Variants in MMP3 observed in about 807,000 individuals in gnomAD.
The protein encoded by MMP3 is stromelysin-1.
Under a neutral mutation model 47.3 loss-of-function variants are expected in MMP3, and 46 were observed. The ratio of observed to expected loss-of-function variants is 0.97; its 90% CI spans 0.77 to 1.24. The LOEUF (loss-of-function observed/expected upper bound fraction) is 1.24. Among genes scored for constraint, MMP3 ranks in the 50% most tolerant of loss-of-function variants. MMP3 has a pLI of 0.00. For missense variants in MMP3, 558 were observed against 565.5 expected (o/e 0.99, Z 0.13); for synonymous variants, 216 against 206.5 (o/e 1.05, Z -0.39).
chr11:102,841,241 A>G (rs1265110744), intron 4 of MMP3, among the ~76,000 whole-genome samples: 1 of 152,198 alleles, frequency 6.6e-6, no homozygotes, highest in Non-Finnish European at 1.5e-5. Flanking sequence ...AAAAACACCC[A>G]TAATGCTAAA....
rs888586669 is a variant in MMP3, at chr11:102,836,272, A to G, written c.1334-46T>C. ...AATAGTAAGATATTTTTCCAAATAA[A>G]GACATTTGACAATATACAAAACTCA... is the stretch of plus-strand genomic sequence containing the variant. On this transcript the variant is annotated intron_variant, in intron 9 of 9. Coordinates refer to ENST00000299855, the MANE Select transcript of MMP3 (RefSeq NM_002422.5). The surrounding 1 kb of genome is among the most constrained non-coding windows in gnomAD (Gnocchi z 4.6). The G allele has an allele frequency of 3.4e-6, 5 of 1,455,500 alleles. 1 individual carries two copies. The African/African-American group carries it at 7.0e-5, about 20-fold the overall frequency. 90.2% of individuals were successfully genotyped at this position (1,455,500 alleles called of 1,614,324 possible). A position where few individuals can be genotyped will look rare whatever the true frequency, so the allele number is the denominator to read the frequency against.
chr11:102,839,388 T>G, intron 6 of MMP3, 145 bp from the exon 7 acceptor site: 1 of 939,016 alleles, frequency 1.1e-6, no homozygotes, highest in Non-Finnish European at 1.6e-6. Context: ...ATATTGCCAT[T>G]AGAAAATTTC....
In MMP3 at chr11:102,837,280, C is replaced by T. The variant is rs138785291; in HGVS notation, c.1333+18G>A. 5.1e-5 allele frequency: 81 copies of T among 1,575,832 alleles called. No individual in the cohort carries two copies. Among genetic ancestry groups the T allele is most frequent in the Non-Finnish European group, 7.0e-5 (80 of 1,146,128 alleles). On this transcript the variant is annotated intron_variant, in intron 9 of 9. Coordinates refer to ENST00000299855, the MANE Select transcript of MMP3 (RefSeq NM_002422.5). The surrounding 1 kb of genome is among the most constrained non-coding windows in gnomAD (Gnocchi z 4.4). ...TGTTTCAAGTGCTCTATGGCCAACA[C>T]AGTAAGTATCCTCTTACCAAATTCT...
chr11:102,838,894 A>G (rs903436329), intron 7 of MMP3, among the ~76,000 whole-genome samples, 184 bp from the exon 8 acceptor site: 2 of 152,328 alleles, frequency 1.3e-5, no homozygotes, highest in African/African-American at 4.8e-5. Context: ...ACTAAGGTCA[A>G]ATGAGAGAAT....
intron 5 of MMP3, 23 bp from the exon 6 acceptor site, chr11:102,840,275 T>C (rs1342220964): frequency 6.8e-6 from 11 of 1,609,468 alleles, no homozygotes; most frequent in Non-Finnish European, 8.5e-6. Context: ...TTAGGGGAAA[T>C]GTGATACGTT....
At chr11:102,840,075 A>C in intron 6 of MMP3, 33 bp downstream of exon 6, 1 of 1,585,658 alleles carries the variant, frequency 6.3e-7, no homozygotes, top group Non-Finnish European at 8.6e-7. Context: ...TTGTAGATTA[A>C]AATGGTAGGA....
At chr11:102,843,258 A>G (rs954240106) in intron 1 of MMP3, among the ~76,000 whole-genome samples, 184 bp downstream of exon 1, 1 of 152,154 alleles carries the variant, frequency 6.6e-6, no homozygotes, top group African/African-American at 2.4e-5. Flanking sequence ...TTCCTACATA[A>G]GAGGAGAAGC....
rs782553958 is a variant in MMP3, at chr11:102,842,898, A to G, written c.124T>C (p.Tyr42His). ...TGTTTCACATCTTTTTTGAGGTCGT[A>G]GTAGTTTTCTAGATATTTCTAACAG... ...NLVQKYLENY[Y>H]DLKKDVKQFV... The change falls in exon 2 of 10, where the codon TAC (tyrosine) becomes CAC (histidine). Residue 42 changes from tyrosine (Y) to histidine (H), a missense_variant. Tyr to His is a moderately conservative substitution (Grantham distance 83). Coordinates refer to ENST00000299855, the MANE Select transcript of MMP3 (RefSeq NM_002422.5). The G allele has an allele frequency of 1.2e-6, 2 of 1,607,814 alleles. No homozygotes were observed. The highest frequency in any genetic ancestry group is 4.5e-5 in the East Asian group (2 of 44,782).
At position 102,837,921 on chromosome 11, in the gene MMP3, A is replaced by T. The variant is rs1858913269; in HGVS notation, c.1230-520T>A. 2.0e-5 allele frequency among the ~76,000 whole-genome samples: 3 copies of T among 152,136 alleles called. No individual in the cohort carries two copies. The South Asian group carries it at 6.2e-4, about 32-fold the overall frequency. ...TCAGATGGTCGGCCTCGATGTCTCAAAGTCTGGCCAAATGACCCAGGAATC... is the reference window on the plus strand; with the variant it reads ...TCAGATGGTCGGCCTCGATGTCTCATAGTCTGGCCAAATGACCCAGGAATC... On this transcript the variant is annotated intron_variant, in intron 8 of 9. Coordinates refer to ENST00000299855, the MANE Select transcript of MMP3 (RefSeq NM_002422.5). This position sits in a 1 kb window ranked among gnomAD's most constrained non-coding sequence, Gnocchi z 4.4.
At chr11:102,843,377 A>T in intron 1 of MMP3, 65 bp downstream of exon 1, 1 of 1,122,678 alleles carries the variant, frequency 8.9e-7, no homozygotes, top group Non-Finnish European at 1.3e-6. Context: ...GTTTTAAGAC[A>T]CACAGAATGG....
At chr11:102,838,443 C>T in intron 8 of MMP3, 108 bp downstream of exon 8, 1 of 1,193,908 alleles carries the variant, frequency 8.4e-7, no homozygotes, top group Non-Finnish European at 1.2e-6. Context: ...TCCCATCCTT[C>T]CTACTAAGAG....
In MMP3 at chr11:102,842,530, C is replaced by G. The variant is rs782312096; in HGVS notation, c.400G>C (p.Val134Leu). The G allele has an allele frequency of 5.0e-6, 8 of 1,593,844 alleles. No individual in the cohort carries two copies. Among genetic ancestry groups the G allele is most frequent in the East Asian group, 2.4e-5 (1 of 42,478 alleles). Residue 134 changes from valine (V) to leucine (L), a missense_variant, in exon 3 of 10, where the codon GTT (valine) becomes CTT (leucine). By Grantham distance (32) the Val-to-Leu change is conservative. Coordinates refer to ENST00000299855, the MANE Select transcript of MMP3 (RefSeq NM_002422.5). ...DLPKDAVDSA[V>L]EKALKVWEEV... ...TCCCAGACTTTCAGAGCTTTCTCAACAGCAGAATCAACAGCATCTTTTGGC... is the reference window on the plus strand; with the variant it reads ...TCCCAGACTTTCAGAGCTTTCTCAAGAGCAGAATCAACAGCATCTTTTGGC...
intron 8 of MMP3, 65 bp downstream of exon 8, chr11:102,838,486 C>T: frequency 6.5e-7 from 1 of 1,533,474 alleles, no homozygotes; most frequent in Non-Finnish European, 8.8e-7. Context: ...TGGGGGATTT[C>T]CTTAGTAAAA....
rs520540 is a variant in MMP3, at chr11:102,838,694, A to G, written c.1086T>C (p.Ala362=). ...VFIFKGNQFW[A]IRGNEVRAGY... is the part of the protein sequence containing the mutation. ...CAGCTCGTACCTCATTTCCTCTGAT[A>G]GCCCAGAATTGATTTCCTGTTAAAT... is the stretch of plus-strand genomic sequence containing the variant. Residue 362 remains alanine (A), a synonymous_variant, in exon 8 of 10, where the codon GCT becomes GCC. Transcript: ENST00000299855. The G allele has an allele frequency of 0.52, 839,474 of 1,611,212 alleles. 223,285 individuals carry two copies. Among genetic ancestry groups the G allele is most frequent in the East Asian group, 0.68 (30,571 of 44,850 alleles).
intron 7 of MMP3, 105 bp from the exon 8 acceptor site, chr11:102,838,815 C>A: frequency 7.5e-7 from 1 of 1,336,638 alleles, no homozygotes; most frequent in East Asian, 2.5e-5. Flanking sequence ...AAAGTAGTAG[C>A]CCAAATTTTA....
chr11:102,837,244 A>G lies in MMP3; in HGVS notation c.1333+54T>C, dbSNP rs1175478901. On this transcript the variant is annotated intron_variant, in intron 9 of 9. Transcript: ENST00000299855. The surrounding 1 kb of genome is among the most constrained non-coding windows in gnomAD (Gnocchi z 4.4). ...AGTTTCAATGCTCCTCTTCCCTCTG[A>G]TATCATAAAATGTTTCAAGTGCTCT... 2.2e-5 allele frequency: 30 copies of G among 1,353,756 alleles called. No homozygotes were observed. Among genetic ancestry groups the G allele is most frequent in the Admixed American group, 3.5e-5 (2 of 57,786 alleles). 83.9% of individuals were successfully genotyped at this position (1,353,756 alleles called of 1,614,324 possible). A position where few individuals can be genotyped will look rare whatever the true frequency, so the allele number is the denominator to read the frequency against.
intron 2 of MMP3, 29 bp from the exon 3 acceptor site, chr11:102,842,608 A>G (rs782481276): frequency 1.9e-6 from 3 of 1,613,190 alleles, no homozygotes; most frequent in Admixed American, 1.7e-5. Context: ...AGCAGATGCT[A>G]TTTTCTCCTA....
rs3025070 is a variant in MMP3, at chr11:102,839,010, T to C, written c.1069+100A>G. The C allele has an allele frequency of 4.3e-3, 5,441 of 1,272,386 alleles. 180 individuals carry two copies. In the African/African-American group the frequency reaches 0.071, roughly 17 times the overall value. 78.8% of individuals were successfully genotyped at this position (1,272,386 alleles called of 1,614,324 possible). Reference sequence around the variant, plus strand: ...ATTTCTTCATTACCGTTGACTACTGTATTAGCCAGAACTTGTAGTAGGGAA... The same window carrying C: ...ATTTCTTCATTACCGTTGACTACTGCATTAGCCAGAACTTGTAGTAGGGAA... On this transcript the variant is annotated intron_variant, in intron 7 of 9. Coordinates refer to ENST00000299855, the MANE Select transcript of MMP3 (RefSeq NM_002422.5).
intron 3 of MMP3, 50 bp downstream of exon 3, chr11:102,842,381 G>GT (rs782470855): frequency 1.1e-5 from 14 of 1,279,692 alleles, no homozygotes; most frequent in Non-Finnish European, 1.4e-5. Flanking sequence ...CATTTCATGT[G>GT]TTTTTTGTTT....
Sources: gnomAD v4.1 joint callset for allele counts (sites outside exome capture counted in the v4.1 genomes callset) on GRCh38, gnomAD v4.1.1 for gene constraint, Gnocchi (gnomAD v3.1) non-coding constraint, MANE v1.5 for transcripts, NCBI Gene and HGNC (gene_info 2026-07-23, HGNC 2026-07-21) for gene names.